The following SEZ6L variants were observed in gnomAD, a reference collection of about 807,000 sequenced individuals.
The protein encoded by SEZ6L is seizure related 6 homolog like, also known as seizure 6-like protein.
SEZ6L carries 37 observed loss-of-function variants against 106.2 expected under a neutral mutation model. The ratio of observed to expected loss-of-function variants is 0.35; its 90% confidence interval spans 0.27 to 0.46. The LOEUF (loss-of-function observed/expected upper bound fraction) is 0.46. Among genes scored for constraint, SEZ6L ranks in the 20% least tolerant of loss-of-function variants. The pLI, the probability that SEZ6L is intolerant of heterozygous loss-of-function variation, is 1.00. For missense variants in SEZ6L, 1,172 were observed against 1,332.8 expected (o/e 0.88, Z 1.88); for synonymous variants, 541 against 570.4 (o/e 0.95, Z 0.73).
chr22:26,325,925 CACCACACA>C (rs2082291376), intron 9 of SEZ6L, among the ~76,000 whole-genome samples: 2 of 112,238 alleles, frequency 1.8e-5, no homozygotes, highest in East Asian at 2.1e-4. Flanking sequence ...CGATCACACA[CACCACACA>C]CACACACACA....
At chr22:26,302,236 G>A (rs1395769669) in intron 5 of SEZ6L, among the ~76,000 whole-genome samples, 4 of 152,124 alleles carry the variant, frequency 2.6e-5, no homozygotes, top group Admixed American at 2.6e-4. Context: ...TATTAGAAAT[G>A]CATAATCCTG....
intron 1 of SEZ6L, among the ~76,000 whole-genome samples, chr22:26,189,450 G>C (rs1940025420): frequency 6.6e-6 from 1 of 152,128 alleles, no homozygotes; most frequent in East Asian, 1.9e-4. Flanking sequence ...CCTCCCCTCT[G>C]TATCTGAGAG....
At chr22:26,280,179 A>G (rs2080715371) in intron 1 of SEZ6L, among the ~76,000 whole-genome samples, 1 of 152,174 alleles carries the variant, frequency 6.6e-6, no homozygotes, top group Non-Finnish European at 1.5e-5. Flanking sequence ...GTGTTGACAT[A>G]CAGCTGTGCC....
intron 5 of SEZ6L, among the ~76,000 whole-genome samples, chr22:26,301,507 G>A (rs2081453657): frequency 6.6e-6 from 1 of 152,208 alleles, no homozygotes; most frequent in Non-Finnish European, 1.5e-5. Context: ...ATTGTGTTAA[G>A]GACCAGGAAA....
chr22:26,266,531 C>T (rs1169035714), intron 1 of SEZ6L, among the ~76,000 whole-genome samples: 1 of 151,582 alleles, frequency 6.6e-6, no homozygotes, highest in Non-Finnish European at 1.5e-5. Flanking sequence ...CGAGATCGCA[C>T]CACTGCACTC....
intron 1 of SEZ6L, among the ~76,000 whole-genome samples, chr22:26,246,595 T>A (rs990160146): frequency 5.3e-5 from 8 of 152,124 alleles, no homozygotes; most frequent in Non-Finnish European, 1.0e-4. Flanking sequence ...TATTTCCAAG[T>A]ACGAAAGTAC....
At chr22:26,277,253 T>C (rs2080579702) in intron 1 of SEZ6L, among the ~76,000 whole-genome samples, 1 of 152,110 alleles carries the variant, frequency 6.6e-6, no homozygotes, top group Non-Finnish European at 1.5e-5. Flanking sequence ...TGTGAGCCAC[T>C]GCACCCAGAC....
At chr22:26,291,976 AAAGGAAGGAAGGAAGG>A (rs56887152) in intron 1 of SEZ6L, among the ~76,000 whole-genome samples, 2,979 of 123,274 alleles carry the variant, frequency 0.024, 70 homozygotes, top group Non-Finnish European at 0.035. Context: ...GTCTTCAGGA[AAAGGAAGGAAGGAAGG>A]AAGGAAGGAA....
intron 1 of SEZ6L, among the ~76,000 whole-genome samples, chr22:26,275,228 A>T (rs909003820): frequency 1.3e-5 from 2 of 152,170 alleles, no homozygotes; most frequent in Non-Finnish European, 2.9e-5. Context: ...TGCAAAAGAG[A>T]TACGTATTCA....
chr22:26,255,688 T>A (rs1011778721), intron 1 of SEZ6L, among the ~76,000 whole-genome samples: 2 of 152,222 alleles, frequency 1.3e-5, no homozygotes, highest in African/African-American at 4.8e-5. Flanking sequence ...CACCTCCATG[T>A]CTACTTTCTC....
At chr22:26,284,176 T>A (rs1239055605) in intron 1 of SEZ6L, among the ~76,000 whole-genome samples, 1 of 152,328 alleles carries the variant, frequency 6.6e-6, no homozygotes, top group East Asian at 1.9e-4. Flanking sequence ...CTGTCCAGTG[T>A]CTTACCGGCA....
At chr22:26,239,203 G>A (rs923973558) in intron 1 of SEZ6L, among the ~76,000 whole-genome samples, 2 of 152,124 alleles carry the variant, frequency 1.3e-5, no homozygotes, top group South Asian at 2.1e-4. Flanking sequence ...CAGCCTGGGC[G>A]GCAATGTGAA....
intron 12 of SEZ6L, among the ~76,000 whole-genome samples, chr22:26,356,708 C>T (rs2083448184): frequency 1.3e-5 from 2 of 151,300 alleles, no homozygotes; most frequent in African/African-American, 2.4e-5. Context: ...ATTGCTGCTA[C>T]GAGGATGTGT....
intron 3 of SEZ6L, 101 bp from the exon 4 acceptor site, chr22:26,296,787 C>T (rs2081314006): frequency 2.0e-6 from 2 of 1,007,200 alleles, no homozygotes; most frequent in African/African-American, 3.3e-5. Flanking sequence ...CAGGGGCTAG[C>T]AGTACCTGGG....
chr22:26,371,626 TG>T (rs1020678037), intron 13 of SEZ6L, among the ~76,000 whole-genome samples: 4 of 151,404 alleles, frequency 2.6e-5, no homozygotes, highest in African/African-American at 9.7e-5. Context: ...AGCAAGACTC[TG>T]TCTTAAAAAA....
intron 1 of SEZ6L, among the ~76,000 whole-genome samples, chr22:26,289,338 G>A (rs2145875557): frequency 6.6e-6 from 1 of 152,278 alleles, no homozygotes; most frequent in Non-Finnish European, 1.5e-5. Context: ...AAGCGACAGT[G>A]AGCATAAAAG....
chr22:26,321,414 T>C (rs2082150428), intron 9 of SEZ6L, among the ~76,000 whole-genome samples: 1 of 152,202 alleles, frequency 6.6e-6, no homozygotes. Flanking sequence ...TTAGGGAGTC[T>C]GGGCTTCCCC....
At position 26,293,120 on chromosome 22, in the gene SEZ6L, C is replaced by T. The variant is rs371478865; in HGVS notation, c.809C>T (p.Thr270Met). Residue 270 changes from threonine (T) to methionine (M), a missense_variant, in exon 2 of 17, where the codon ACG (threonine) becomes ATG (methionine). Thr to Met is a moderately conservative substitution (Grantham distance 81). Transcript: ENST00000248933. ...ACTACCTCCACCATTATCACCACCA[C>T]GGTCATCACCACCGAGCAGGCACCA... is the stretch of plus-strand genomic sequence containing the variant. ...ETTTSTIITT[T>M]VITTEQAPAL... 90 of 1,577,034 alleles carry T rather than the reference C, an allele frequency of 5.7e-5. No homozygotes were observed. The highest frequency in any genetic ancestry group is 1.1e-4 in the African/African-American group (8 of 73,682).
At chr22:26,373,537 A>C in intron 14 of SEZ6L, 54 bp downstream of exon 14, 1 of 1,370,908 alleles carries the variant, frequency 7.3e-7, no homozygotes, top group Non-Finnish European at 1.0e-6. Context: ...TAATAGCACA[A>C]AACAAGGGCA....
Sources: allele counts gnomAD v4.1 joint callset (sites outside exome capture counted in the v4.1 genomes callset), GRCh38; gene constraint gnomAD v4.1.1; transcripts MANE v1.5; gene names NCBI Gene and HGNC (gene_info 2026-07-23, HGNC 2026-07-21).